The following MICAL2 variants were observed in gnomAD, a reference collection of about 807,000 sequenced individuals.
MICAL2 encodes microtubule associated monooxygenase, calponin and LIM domain containing 2, also known as [F-actin]-monooxygenase MICAL2.
A neutral mutation model predicts 127.3 loss-of-function variants in MICAL2; 77 were observed. The observed-to-expected ratio is 0.60, with a 90% CI of 0.50 to 0.73. The LOEUF is 0.73. Among genes scored for constraint, MICAL2 ranks in the 30% least tolerant of loss-of-function variants. The pLI, the probability that MICAL2 is intolerant of heterozygous loss-of-function variation, is 0.00. For missense variants in MICAL2, 1,351 were observed against 1,434.4 expected (o/e 0.94, Z 0.94); for synonymous variants, 570 against 551.1 (o/e 1.03, Z -0.48).
intron 26 of MICAL2, chr11:12,260,392 G>A: frequency 7.9e-7 from 1 of 1,262,768 alleles, no homozygotes; most frequent in Non-Finnish European, 9.9e-7. Context: ...CTTTTCTATA[G>A]CTTTGTGAGC....
chr11:12,144,677 C>T (rs1245714333), intron 2 of MICAL2, among the ~76,000 whole-genome samples: 1 of 152,214 alleles, frequency 6.6e-6, no homozygotes, highest in Non-Finnish European at 1.5e-5. Flanking sequence ...ACTTTCAAAC[C>T]TCAATGCTCG....
intron 1 of MICAL2, among the ~76,000 whole-genome samples, chr11:12,117,222 T>C (rs190713213): frequency 6.6e-6 from 1 of 152,326 alleles, no homozygotes; most frequent in Non-Finnish European, 1.5e-5. Context: ...CTAGTGCAGA[T>C]GTTCTTTCTG....
intron 2 of MICAL2, among the ~76,000 whole-genome samples, chr11:12,152,152 G>T (rs1590089311): frequency 1.6e-5 from 2 of 124,212 alleles, no homozygotes; most frequent in Non-Finnish European, 3.6e-5. Context: ...AAAAAAATCA[G>T]CTGGGCCTGG....
intron 1 of MICAL2, among the ~76,000 whole-genome samples, chr11:12,114,577 G>C (rs1298261173): frequency 6.6e-6 from 1 of 152,188 alleles, no homozygotes; most frequent in African/African-American, 2.4e-5. Flanking sequence ...CCTCTTGGCT[G>C]TGCTGGATCC....
intron 3 of MICAL2, among the ~76,000 whole-genome samples, chr11:12,172,559 T>C (rs1056942767): frequency 5.9e-5 from 9 of 152,136 alleles, no homozygotes; most frequent in Non-Finnish European, 8.8e-5. Flanking sequence ...TGGTTCTCAG[T>C]TGATATTAGT....
chr11:12,276,010 C>T (rs1211569888), upstream of MICAL2: 4 of 399,156 alleles, frequency 1.0e-5, no homozygotes, highest in African/African-American at 4.1e-5. Flanking sequence ...CCCAAGAGGC[C>T]GAAGAGCATC....
intron 10 of MICAL2, 100 bp from the exon 11 acceptor site, chr11:12,222,517 G>A (rs1856942558): frequency 6.8e-7 from 1 of 1,480,232 alleles, no homozygotes; most frequent in East Asian, 2.3e-5. Context: ...ACATGTCCAG[G>A]AAGCCCTTGA....
At chr11:12,113,965 G>C (rs1177654632) in intron 1 of MICAL2, among the ~76,000 whole-genome samples, 3 of 152,148 alleles carry the variant, frequency 2.0e-5, no homozygotes, top group African/African-American at 7.2e-5. Context: ...TTCTGGTTTT[G>C]CAAATCCTCT....
At chr11:12,345,934 C>T (rs1331344284) in intron 32 of MICAL2, among the ~76,000 whole-genome samples, 3 of 152,238 alleles carry the variant, frequency 2.0e-5, no homozygotes, top group Admixed American at 6.5e-5. Flanking sequence ...GATCTGGAGG[C>T]GCTGTGAAAA....
At chr11:12,193,084 G>A (rs1051883052) in intron 3 of MICAL2, among the ~76,000 whole-genome samples, 4 of 152,172 alleles carry the variant, frequency 2.6e-5, no homozygotes, top group Non-Finnish European at 5.9e-5. Flanking sequence ...TTTTCCCAGT[G>A]ATGTTCATTC....
intron 3 of MICAL2, among the ~76,000 whole-genome samples, chr11:12,190,876 A>G (rs898040005): frequency 7.2e-5 from 11 of 152,250 alleles, no homozygotes; most frequent in African/African-American, 2.4e-4. Context: ...TTCCTACCTT[A>G]TAAGTTAGTT....
downstream of MICAL2, among the ~76,000 whole-genome samples, chr11:12,289,041 G>A (rs1047878242): frequency 6.6e-6 from 1 of 152,242 alleles, no homozygotes; most frequent in Non-Finnish European, 1.5e-5. Context: ...CAAGCCCCAG[G>A]TGGGAGGGCC....
chr11:12,143,944 A>G (rs1329282639), intron 2 of MICAL2, among the ~76,000 whole-genome samples: 2 of 152,160 alleles, frequency 1.3e-5, no homozygotes, highest in South Asian at 4.2e-4. Context: ...AGAGAGAGGG[A>G]AAGAGAGAGA....
intron 32 of MICAL2, among the ~76,000 whole-genome samples, chr11:12,341,049 A>G (rs78421545): frequency 0.019 from 2,894 of 152,288 alleles, 120 homozygotes; most frequent in African/African-American, 0.067. Context: ...TGGGAGGCAG[A>G]CATACCCAGA....
chr11:12,301,404 T>G (rs1003521790), intron 29 of MICAL2, among the ~76,000 whole-genome samples: 8 of 152,244 alleles, frequency 5.3e-5, no homozygotes, highest in Non-Finnish European at 8.8e-5. Context: ...CTTCTGTTTT[T>G]GGGCATTGAG....
chr11:12,222,251 A>G (rs1215713994), intron 10 of MICAL2, among the ~76,000 whole-genome samples: 1 of 152,116 alleles, frequency 6.6e-6, no homozygotes, highest in African/African-American at 2.4e-5. Context: ...GGGCGGAGGC[A>G]GGCCCTGACA....
chr11:12,294,110 G>T, downstream of MICAL2: 3 of 1,614,070 alleles, frequency 1.9e-6, no homozygotes, highest in Non-Finnish European at 2.5e-6. Flanking sequence ...GCTAAAACCA[G>T]TCCGCCCCCT....
At position 12,312,052 on chromosome 11, in the gene MICAL2, A is replaced by G. The variant is rs144677811; in HGVS notation, c.5213-7644A>G. Among the ~76,000 whole-genome samples the G allele has an allele frequency of 4.7e-3, 714 of 151,392 alleles. 6 individuals are homozygous for G. The highest frequency in any genetic ancestry group is 9.2e-3 in the Admixed American group (140 of 15,224). On this transcript the variant is annotated intron_variant, in intron 29 of 34. Coordinates refer to the MICAL2 transcript ENST00000646065. ...AACAAATTTTTAAAATTATTATTAT[A>G]TAATAGTTCATATAATAACTTCCTT... is the stretch of plus-strand genomic sequence containing the variant.
chr11:12,260,750 C>T (rs2706649), intron 26 of MICAL2: 985,486 of 985,488 alleles, frequency 1, 492,742 homozygotes, highest in Non-Finnish European at 1. Context: ...AAGCACGGAG[C>T]AGTGTGTGGT....
Sources: allele counts gnomAD v4.1 joint callset (sites outside exome capture counted in the v4.1 genomes callset), GRCh38; gene constraint gnomAD v4.1.1; transcripts MANE v1.5; gene names NCBI Gene and HGNC (gene_info 2026-07-23, HGNC 2026-07-21).